Variants in ABCB5 observed in about 807,000 individuals in gnomAD.
The protein encoded by ABCB5 is ATP-binding cassette sub-family B member 5.
ABCB5 carries 155 observed loss-of-function variants against 144.2 expected under a neutral mutation model. That is an observed-to-expected ratio of 1.08 (90% CI 0.94 to 1.23). The LOEUF is 1.23. Ranked by LOEUF, ABCB5 falls within the 50% of genes most tolerant of loss-of-function variation. The pLI is 0.00. For missense variants in ABCB5, 1,830 were observed against 1,520.8 expected, an observed-to-expected ratio of 1.20 and a Z score of -3.38; for synonymous variants, 610 against 528.6, an observed-to-expected ratio of 1.15 and a Z score of -2.11.
At chr7:20,642,261 A>C (rs1452945886) in intron 5 of ABCB5, among the ~76,000 whole-genome samples, 1 of 152,086 alleles carries the variant, frequency 6.6e-6, no homozygotes, top group Non-Finnish European at 1.5e-5. Flanking sequence ...ACCACTTTGG[A>C]CTTCTTTTGT....
intron 14 of ABCB5, among the ~76,000 whole-genome samples, chr7:20,668,109 A>G (rs1489930277): frequency 2.1e-4 from 24 of 112,824 alleles, no homozygotes; most frequent in African/African-American, 8.5e-4. Flanking sequence ...TGGCCTCCCA[A>G]AGTGCCGAGA....
rs73684672 is a variant in ABCB5 at position 20,659,435 on chromosome 7, A to G, written c.1707+759A>G. ...GAAAATCGCAGGCTTCTTTTTTTAA[A>G]ATGCTGACTTTATGGAACCAGAAAC... is the stretch of plus-strand genomic sequence containing the variant. On this transcript the variant is annotated intron_variant, in intron 14 of 27. Transcript: ENST00000404938. 0.081 allele frequency: 91,338 copies of G among 1,128,444 alleles called. 4,461 individuals are homozygous for G. Among genetic ancestry groups the G allele is most frequent in the South Asian group, 0.19 (4,847 of 25,348 alleles). 69.9% of individuals were successfully genotyped at this position (1,128,444 alleles called of 1,614,324 possible). A position where few individuals can be genotyped will look rare whatever the true frequency, so the allele number is the denominator to read the frequency against.
chr7:20,682,369 G>A (rs1439243001), intron 15 of ABCB5, among the ~76,000 whole-genome samples: 1 of 152,170 alleles, frequency 6.6e-6, no homozygotes, highest in Non-Finnish European at 1.5e-5. Context: ...GTTGTAAAAA[G>A]AAAAAGCAAG....
chr7:20,699,405 T>A (rs534832918), intron 17 of ABCB5, among the ~76,000 whole-genome samples: 1 of 152,186 alleles, frequency 6.6e-6, no homozygotes, highest in Non-Finnish European at 1.5e-5. Flanking sequence ...ATTTTTATGT[T>A]GAAATTTATT....
At chr7:20,623,188 G>C in intron 1 of ABCB5, 77 bp from the exon 2 acceptor site, 1 of 839,570 alleles carries the variant, frequency 1.2e-6, no homozygotes, top group South Asian at 1.6e-5. Context: ...AGAGATGTGG[G>C]ATGTAAAGAA....
At chr7:20,742,810 A>C in intron 24 of ABCB5, 67 bp from the exon 25 acceptor site, 1 of 1,486,730 alleles carries the variant, frequency 6.7e-7, no homozygotes, top group Non-Finnish European at 9.3e-7. Flanking sequence ...GAACTTGGCC[A>C]GTATGCTACA....
intron 12 of ABCB5, 27 bp downstream of exon 12, chr7:20,650,174 C>G (rs778904401): frequency 1.2e-6 from 2 of 1,610,570 alleles, no homozygotes; most frequent in African/African-American, 1.3e-5. Flanking sequence ...AAACCATGCA[C>G]AGTCCACCTA....
intron 23 of ABCB5, among the ~76,000 whole-genome samples, chr7:20,733,232 A>G (rs1782279447): frequency 6.6e-6 from 1 of 152,074 alleles, no homozygotes; most frequent in East Asian, 1.9e-4. Context: ...AAACATTCAT[A>G]GAATATTTCT....
At chr7:20,626,893 A>G (rs201465781) in intron 3 of ABCB5, among the ~76,000 whole-genome samples, 3 of 121,618 alleles carry the variant, frequency 2.5e-5, no homozygotes, top group East Asian at 2.2e-4. Flanking sequence ...GTGTGTGTGT[A>G]TCATACATAA....
intron 22 of ABCB5, 149 bp downstream of exon 22, chr7:20,727,289 C>T: frequency 1.9e-6 from 1 of 524,800 alleles, no homozygotes; most frequent in Non-Finnish European, 3.3e-6. Flanking sequence ...ATGACTTCAC[C>T]AAGAGAAACT....
chr7:20,693,115 T>C (rs1183534405), intron 16 of ABCB5, among the ~76,000 whole-genome samples: 6 of 152,138 alleles, frequency 3.9e-5, no homozygotes, highest in African/African-American at 1.2e-4. Flanking sequence ...ATAGACCATA[T>C]TCTGGACTAT....
In ABCB5 at chr7:20,756,541, G is replaced by C. The variant is rs911783809; in HGVS notation, c.*917G>C. ...ACCTGGAATCCCAGCTACTTGGGAG[G>C]CTGAGGCAGGAGAATCATTTGAACC... On this transcript the variant is annotated 3_prime_UTR_variant, in exon 28 of 28. Coordinates refer to ENST00000404938, the MANE Select transcript of ABCB5 (RefSeq NM_001163941.2). 2.6e-5 allele frequency: 4 copies of C among 152,188 alleles called. No individual in the cohort carries two copies. The highest frequency in any genetic ancestry group is 7.2e-5 in the African/African-American group (3 of 41,402). The allele number at this position is 152,188 out of a possible 1,614,324, so 9.4% of individuals were successfully genotyped here.
chr7:20,696,919 C>T (rs1003499508), intron 16 of ABCB5, among the ~76,000 whole-genome samples: 3 of 152,024 alleles, frequency 2.0e-5, no homozygotes, highest in African/African-American at 4.8e-5. Flanking sequence ...TAATGTAGAT[C>T]GTTCTATAGG....
intron 1 of ABCB5, among the ~76,000 whole-genome samples, chr7:20,616,345 T>C (rs751359531): frequency 6.6e-6 from 1 of 152,180 alleles, no homozygotes; most frequent in Non-Finnish European, 1.5e-5. Flanking sequence ...CATATCTTCT[T>C]TCATCTAACC....
At chr7:20,696,602 A>C (rs765502989) in intron 16 of ABCB5, among the ~76,000 whole-genome samples, 1 of 152,138 alleles carries the variant, frequency 6.6e-6, no homozygotes, top group Non-Finnish European at 1.5e-5. Context: ...ACTATAACTC[A>C]AGAAAGCTCT....
chr7:20,645,645 C>A (rs1426875151), intron 7 of ABCB5, 111 bp from the exon 8 acceptor site: 1 of 1,337,680 alleles, frequency 7.5e-7, no homozygotes, highest in East Asian at 2.3e-5. Flanking sequence ...GAGATAAAGT[C>A]TAAAAAAATA....
At chr7:20,664,367 A>G (rs751230044) in intron 14 of ABCB5, among the ~76,000 whole-genome samples, 1 of 152,228 alleles carries the variant, frequency 6.6e-6, no homozygotes, top group Non-Finnish European at 1.5e-5. Context: ...ATACTATTGT[A>G]TAAATAACTA....
chr7:20,753,451 C>G lies in ABCB5; in HGVS notation c.3521C>G (p.Pro1174Arg). ...LAIARALLQK[P>R]KILLLDEATS... ...ATTGCAAGGGCTCTTCTCCAAAAAC[C>G]CAAAATTTTATTGTTGGATGAGGCC... The change falls in exon 27 of 28, where the codon CCC becomes CGC. Residue 1174 changes from proline to arginine, a missense_variant. Pro to Arg is a moderately radical substitution (Grantham distance 103). Transcript: ENST00000404938. 6.2e-7 allele frequency: 1 copy of G among 1,613,992 alleles called. No individual in the cohort carries two copies. Among genetic ancestry groups the G allele is most frequent in the Non-Finnish European group, 8.5e-7 (1 of 1,179,938 alleles).
chr7:20,628,408 T>C (rs1783958074), intron 3 of ABCB5, among the ~76,000 whole-genome samples: 1 of 152,174 alleles, frequency 6.6e-6, no homozygotes, highest in Admixed American at 6.5e-5. Context: ...CAGTCTATCA[T>C]TGATAGATAT....
Sources: gnomAD v4.1 joint callset for allele counts (sites outside exome capture counted in the v4.1 genomes callset) on GRCh38, gnomAD v4.1.1 for gene constraint, MANE v1.5 for transcripts, NCBI Gene and HGNC (gene_info 2026-07-23, HGNC 2026-07-21) for gene names.